The following AGXT variants were observed in gnomAD, a reference collection of about 807,000 sequenced individuals.
AGXT encodes the protein alanine--glyoxylate aminotransferase, also known as L-alanine: glyoxylate aminotransferase 1.
A neutral mutation model predicts 46.9 loss-of-function variants in AGXT; 41 were observed. The ratio of observed to expected loss-of-function variants is 0.88; its 90% CI spans 0.68 to 1.14. AGXT has a LOEUF of 1.14. AGXT is among the 50% of genes most tolerant of loss of function. AGXT has a pLI of 0.00. For missense variants in AGXT, 525 were observed against 522.7 expected (o/e 1.00, Z -0.04); for synonymous variants, 244 against 227.9 (o/e 1.07, Z -0.64).
intron 9 of AGXT, 105 bp from the exon 10 acceptor site, chr2:240,877,917 G>T: frequency 1.3e-6 from 2 of 1,512,628 alleles, no homozygotes; most frequent in Admixed American, 3.5e-5. Context: ...TTCTCCCCCG[G>T]CTCCTCTGGA....
intron 10 of AGXT, 107 bp from the exon 11 acceptor site, chr2:240,878,606 TG>T: frequency 9.7e-7 from 1 of 1,030,794 alleles, no homozygotes; most frequent in Non-Finnish European, 1.4e-6. Context: ...GGACGCTGGG[TG>T]GGTGGTCCTC....
At chr2:240,869,116 C>G (rs180177179) in intron 1 of AGXT, 54 bp from the exon 2 acceptor site, 2 of 1,612,422 alleles carry the variant, frequency 1.2e-6, no homozygotes, top group Non-Finnish European at 1.7e-6. Flanking sequence ...GTCACTGCCT[C>G]CTCACTTGGG....
Position 240,869,560 on chromosome 2 carries a change from G to C in AGXT, c.358+198G>C, listed in dbSNP as rs149775291. Among the ~76,000 whole-genome samples, 1,433 of 152,294 alleles carry C rather than the reference G, an allele frequency of 9.4e-3. 19 individuals carry two copies. The highest frequency in any genetic ancestry group is 0.032 in the African/African-American group (1,323 of 41,554). On this transcript the variant is annotated intron_variant, in intron 2 of 10. Coordinates refer to ENST00000307503, the MANE Select transcript of AGXT (RefSeq NM_000030.3). Reference sequence around the variant, plus strand: ...ACTCATGAGGCCTGACTCTGATAGGGCTGGGAGCAGCACAGGTGCCCCGAT... The same window carrying C: ...ACTCATGAGGCCTGACTCTGATAGGCCTGGGAGCAGCACAGGTGCCCCGAT...
rs754550042 is a variant in AGXT, at chr2:240,873,951, C to T, written c.596-27C>T. On this transcript the variant is annotated intron_variant, in intron 5 of 10. Coordinates refer to ENST00000307503, the MANE Select transcript of AGXT (RefSeq NM_000030.3). ...GGCCTGCCCTGAGGTGGGACTCACC[C>T]GTCCCGAGCAAACCACCCATCTACA... is the stretch of plus-strand genomic sequence containing the variant. 1.7e-5 allele frequency: 28 copies of T among 1,606,412 alleles called. No individual in the cohort carries two copies. The Admixed American group carries it at 3.2e-4, about 18-fold the overall frequency.
chr2:240,868,978 T>G lies in AGXT; in HGVS notation c.113T>G (p.Met38Arg), dbSNP rs780905277. 6.4e-7 allele frequency: 1 copy of G among 1,559,634 alleles called. No homozygotes were observed. Among genetic ancestry groups the G allele is most frequent in the Admixed American group, 1.7e-5 (1 of 57,418 alleles). ...CCTTCCAACCTGCCTCCTCGCATCA[T>G]GGCAGCCGGGGGGCTGCAGATGATC... ...PGPSNLPPRIMAAGGLQMIGS... is the reference protein window; with the variant it reads ...PGPSNLPPRIRAAGGLQMIGS... Residue 38 changes from methionine to arginine, a missense_variant, in exon 1 of 11, where the codon ATG becomes AGG. Coordinates refer to ENST00000307503, the MANE Select transcript of AGXT (RefSeq NM_000030.3).
Position 240,870,714 on chromosome 2 carries a change from G to A in AGXT, c.423+6G>A. 6.4e-7 allele frequency: 1 copy of A among 1,554,336 alleles called. No homozygotes were observed. Among genetic ancestry groups the A allele is most frequent in the Non-Finnish European group, 8.7e-7 (1 of 1,148,822 alleles). ...CACTGCAGGAGGTGGAGGAGGTAGG[G>A]GACCCGGGGTGGGGGTCAGGGCCGG... On this transcript the variant is annotated splice_donor_region_variant and intron_variant, in intron 3 of 10. Coordinates refer to ENST00000307503, the MANE Select transcript of AGXT (RefSeq NM_000030.3).
At position 240,879,110 on chromosome 2, in the gene AGXT, A is replaced by C. The variant is rs4344931; in HGVS notation, c.*289A>C. On this transcript the variant is annotated 3_prime_UTR_variant, in exon 11 of 11. Coordinates refer to ENST00000307503, the MANE Select transcript of AGXT (RefSeq NM_000030.3). ...GAATGTTTAATAAAGGGCCTGGCCA[A>C]CTCTCCTCACTGTGTGGGGTGGTCT... 0.7 allele frequency: 370,437 copies of C among 532,554 alleles called. 130,757 individuals are homozygous for C. Among genetic ancestry groups the C allele is most frequent in the African/African-American group, 0.85 (44,683 of 52,502 alleles). 33.0% of individuals were successfully genotyped at this position (532,554 alleles called of 1,614,324 possible).
chr2:240,878,828 CA>C lies in AGXT; in HGVS notation c.*8del. 1 of 1,578,268 alleles carries C rather than the reference CA, an allele frequency of 6.3e-7. No homozygotes were observed. Among genetic ancestry groups the C allele is most frequent in the Non-Finnish European group, 8.6e-7 (1 of 1,164,474 alleles). On this transcript the variant is annotated 3_prime_UTR_variant, in exon 11 of 11. Transcript: ENST00000307503. The stretch of plus-strand genomic sequence containing the variant: ...CCCCAAGAAGAAGCTGTGACCTGCC[CA>C]CTGGCACACAGCTGGCACTGGCACA...
chr2:240,875,247 G>A (rs377216466), intron 7 of AGXT, 43 bp downstream of exon 7: 5 of 1,523,470 alleles, frequency 3.3e-6, no homozygotes, highest in African/African-American at 1.4e-5. Context: ...CGCTGGGCAT[G>A]GCTGAGAGGT....
chr2:240,872,696 C>T (rs1366379898), intron 4 of AGXT, among the ~76,000 whole-genome samples: 1 of 152,090 alleles, frequency 6.6e-6, no homozygotes, highest in African/African-American at 2.4e-5. Flanking sequence ...TCTTCAGCAC[C>T]ACTGCCGGGC....
rs770646385 is a variant in AGXT, at chr2:240,878,118, A to G, written c.1039A>G (p.Ile347Val). 6.2e-7 allele frequency: 1 copy of G among 1,613,194 alleles called. No homozygotes were observed. The highest frequency in any genetic ancestry group is 1.1e-5 in the South Asian group (1 of 91,074). Residue 347 changes from isoleucine to valine, a missense_variant, in exon 10 of 11, where the codon ATC becomes GTC. Coordinates refer to ENST00000307503, the MANE Select transcript of AGXT (RefSeq NM_000030.3). ...CGTCATAGACCACTTCGACATTGAG[A>G]TCATGGGTGGCCTTGGGCCCTCCAC... ...SYVIDHFDIE[I>V]MGGLGPSTGK...
rs1359758621 is a variant in AGXT at position 240,878,577 on chromosome 2, G to A, written c.1072-137G>A. On this transcript the variant is annotated intron_variant, in intron 10 of 10. Coordinates refer to ENST00000307503, the MANE Select transcript of AGXT (RefSeq NM_000030.3). ...AGGGCCCCCTCTGTGACCTGCACAG[G>A]GCTGTCAACTCCCCTCATGGACGCT... 4.9e-6 allele frequency: 4 copies of A among 810,084 alleles called. No individual in the cohort carries two copies. In the African/African-American group the frequency reaches 5.0e-5, roughly 10 times the overall value. The allele number at this position is 810,084 out of a possible 1,614,324, so 50.2% of individuals were successfully genotyped here.
Position 240,873,015 on chromosome 2 carries a change from C to A in AGXT, c.561C>A (p.Ser187=). The A allele has an allele frequency of 6.2e-7, 1 of 1,614,002 alleles. No individual in the cohort carries two copies. The highest frequency in any genetic ancestry group is 1.1e-5 in the South Asian group (1 of 91,080). The change falls in exon 5 of 11, where the codon TCC becomes TCA. Residue 187 remains serine, a synonymous_variant. Coordinates refer to ENST00000307503, the MANE Select transcript of AGXT (RefSeq NM_000030.3). The stretch of plus-strand genomic sequence containing the variant: ...TGCTCCTGGTGGATTCGGTGGCATC[C>A]CTGGGCGGGACCCCCCTTTACATGG... ...KCLLLVDSVA[S]LGGTPLYMDR...
chr2:240,873,562 C>G (rs77771535), intron 5 of AGXT: 3,486 of 294,164 alleles, frequency 0.012, 116 homozygotes, highest in African/African-American at 0.071. Context: ...ATTGCATCCA[C>G]TGCGGTGCCT....
In AGXT at chr2:240,870,654, G is replaced by T. The variant is rs1355452445; in HGVS notation, c.369G>T (p.Val123=). 1.9e-6 allele frequency: 3 copies of T among 1,553,348 alleles called. No individual in the cohort carries two copies. In the South Asian group the frequency reaches 3.6e-5, roughly 18 times the overall value. Residue 123 remains valine (V), a synonymous_variant, in exon 3 of 11, where the codon GTG becomes GTT. Coordinates refer to ENST00000307503, the MANE Select transcript of AGXT (RefSeq NM_000030.3). The part of the protein sequence containing the change: ...VDIGERIGAR[V]HPMTKDPGGH... ...CTGTCCTGCACCCAGGAGCCCGAGTGCACCCGATGACCAAGGACCCTGGAG... is the reference window on the plus strand; with the variant it reads ...CTGTCCTGCACCCAGGAGCCCGAGTTCACCCGATGACCAAGGACCCTGGAG...
rs985190576 is a variant in AGXT at position 240,872,521 on chromosome 2, G to C, written c.525-458G>C. Among the ~76,000 whole-genome samples the C allele has an allele frequency of 1.3e-5, 2 of 152,122 alleles. 1 individual carries two copies. Among genetic ancestry groups the C allele is most frequent in the South Asian group, 4.1e-4 (2 of 4,830 alleles). ...GAGAGTTTGTGGCGCTGCTGCTTGG[G>C]CTGTTCTGGGACTCTGTCCCCTCTG... On this transcript the variant is annotated intron_variant, in intron 4 of 10. Transcript: ENST00000307503.
At chr2:240,875,570 C>T (rs1034191733) in intron 7 of AGXT, among the ~76,000 whole-genome samples, 1 of 152,236 alleles carries the variant, frequency 6.6e-6, no homozygotes, top group East Asian at 1.9e-4. Flanking sequence ...ACCCAAGGCC[C>T]CTTATGTTAC....
chr2:240,873,328 G>A (rs2059001848), intron 5 of AGXT: 1 of 455,944 alleles, frequency 2.2e-6, no homozygotes, highest in South Asian at 2.7e-5. Context: ...AGCTGTAGCA[G>A]AAGCAGTGGG....
At position 240,873,001 on chromosome 2, in the gene AGXT, G is replaced by A. The variant is rs180177236; in HGVS notation, c.547G>A (p.Asp183Asn). The change falls in exon 5 of 11, where the codon GAT becomes AAT. Residue 183 changes from aspartate to asparagine, a missense_variant. Asp to Asn is a conservative substitution (Grantham distance 23). Transcript: ENST00000307503. ...CAGGTACAAGTGCCTGCTCCTGGTG[G>A]ATTCGGTGGCATCCCTGGGCGGGAC... is the stretch of plus-strand genomic sequence containing the variant. ...CHRYKCLLLV[D>N]SVASLGGTPL... is the part of the protein sequence containing the mutation. 6.2e-7 allele frequency: 1 copy of A among 1,614,012 alleles called. No homozygotes were observed. Among genetic ancestry groups the A allele is most frequent in the Non-Finnish European group, 8.5e-7 (1 of 1,179,954 alleles).
Sources: allele counts gnomAD v4.1 joint callset (sites outside exome capture counted in the v4.1 genomes callset), GRCh38; gene constraint gnomAD v4.1.1; transcripts MANE v1.5; gene names NCBI Gene and HGNC (gene_info 2026-07-23, HGNC 2026-07-21).